The following TPST2 variants were observed in gnomAD, a reference collection of about 807,000 sequenced individuals.
TPST2 encodes protein-tyrosine sulfotransferase 2.
In TPST2, 16 loss-of-function variants were observed where a neutral mutation model predicts 27.8. The observed-to-expected ratio is 0.58, with a 90% CI of 0.39 to 0.88. TPST2 has a LOEUF of 0.88. Ranked by LOEUF, TPST2 falls within the 40% of genes least tolerant of loss-of-function variation. The pLI is 0.00. For synonymous variants in TPST2, 229 were observed against 231.7 expected (o/e 0.99, Z 0.10); for missense variants, 464 against 543.1 (o/e 0.85, Z 1.45).
chr22:26,558,889 T>C (rs555879866), intron 1 of TPST2, among the ~76,000 whole-genome samples: 1 of 152,300 alleles, frequency 6.6e-6, no homozygotes, highest in East Asian at 1.9e-4. Context: ...ATAGGACAAG[T>C]GATGTTGCGC....
chr22:26,564,114 T>G (rs545279988), intron 1 of TPST2, among the ~76,000 whole-genome samples: 19 of 152,260 alleles, frequency 1.2e-4, no homozygotes, highest in African/African-American at 4.6e-4. Context: ...ATTTTCCAAC[T>G]ATGGAGACTG....
At chr22:26,551,686 C>T (rs1035141001) in intron 1 of TPST2, among the ~76,000 whole-genome samples, 3 of 152,074 alleles carry the variant, frequency 2.0e-5, no homozygotes, top group Admixed American at 6.6e-5. Flanking sequence ...CTGGGGGTCA[C>T]ATCCTGGCTC....
In TPST2 at chr22:26,541,685, C is replaced by T. The variant is rs542565760; in HGVS notation, c.-55G>A. 56 of 1,498,388 alleles carry T rather than the reference C, an allele frequency of 3.7e-5. No homozygotes were observed. The East Asian group carries it at 1.2e-3, about 31-fold the overall frequency. The allele number at this position is 1,498,388 out of a possible 1,614,324, so 92.8% of individuals were successfully genotyped here. ...TGAGGGCCCGCTTCTGGGGCTTCAGCGACAGGTTAGCGGGCAGCCCGCCAG... is the reference window on the plus strand; with the variant it reads ...TGAGGGCCCGCTTCTGGGGCTTCAGTGACAGGTTAGCGGGCAGCCCGCCAG... On this transcript the variant is annotated 5_prime_UTR_variant, in exon 3 of 7. Transcript: ENST00000338754. This position sits in a 1 kb window ranked among gnomAD's most constrained non-coding sequence, Gnocchi z 5.9.
chr22:26,554,795 A>G (rs1926696246), intron 1 of TPST2, among the ~76,000 whole-genome samples: 1 of 152,236 alleles, frequency 6.6e-6, no homozygotes, highest in South Asian at 2.1e-4. Context: ...GAAATTAGCC[A>G]GGCGTGGTGG....
chr22:26,541,697 G>A lies in TPST2; in HGVS notation c.-67C>T. 7.4e-6 allele frequency: 11 copies of A among 1,480,382 alleles called. No individual in the cohort carries two copies. Among genetic ancestry groups the A allele is most frequent in the South Asian group, 1.3e-5 (1 of 74,644 alleles). 91.7% of individuals were successfully genotyped at this position (1,480,382 alleles called of 1,614,324 possible). A position where few individuals can be genotyped will look rare whatever the true frequency, so the allele number is the denominator to read the frequency against. On this transcript the variant is annotated 5_prime_UTR_variant, in exon 3 of 7. Transcript: ENST00000338754. This position sits in a 1 kb window ranked among gnomAD's most constrained non-coding sequence, Gnocchi z 5.9. ...TCTGGGGCTTCAGCGACAGGTTAGC[G>A]GGCAGCCCGCCAGGCTCACATCTGG... is the stretch of plus-strand genomic sequence containing the variant.
chr22:26,542,170 AG>A (rs1266190154), intron 2 of TPST2, among the ~76,000 whole-genome samples: 1 of 146,988 alleles, frequency 6.8e-6, no homozygotes, highest in Non-Finnish European at 1.5e-5. Flanking sequence ...TGAACCTGGG[AG>A]GCAGAGCTTG....
At chr22:26,553,201 G>A (rs550042174) in intron 1 of TPST2, among the ~76,000 whole-genome samples, 3 of 152,170 alleles carry the variant, frequency 2.0e-5, no homozygotes, top group Admixed American at 1.3e-4. Context: ...AGTAGGGACT[G>A]TGGGAGGACC....
At position 26,589,249 on chromosome 22, in the gene TPST2, C is replaced by T. The variant is rs141311032; in HGVS notation, c.-161+804G>A. Among the ~76,000 whole-genome samples, 37 of 152,232 alleles carry T rather than the reference C, an allele frequency of 2.4e-4. No homozygotes were observed. The East Asian group carries it at 6.8e-3, about 28-fold the overall frequency. ...GGCACGGTTCTTTCTAATGACTCTG[C>T]TGAGGTGGATGGTTCCTTCCCTAGG... On this transcript the variant is annotated intron_variant, in intron 1 of 6. Transcript: ENST00000338754.
intron 1 of TPST2, among the ~76,000 whole-genome samples, chr22:26,557,390 T>C (rs555388017): frequency 7.9e-5 from 12 of 152,318 alleles, no homozygotes; most frequent in Admixed American, 7.8e-4. Context: ...CAATAATTCT[T>C]ACTAGCGATG....
chr22:26,578,186 T>C (rs1927935950), intron 1 of TPST2, among the ~76,000 whole-genome samples: 1 of 152,126 alleles, frequency 6.6e-6, no homozygotes, highest in Admixed American at 6.5e-5. Flanking sequence ...AACTAATCTA[T>C]GAGGACAGTG....
intron 1 of TPST2, among the ~76,000 whole-genome samples, chr22:26,580,959 A>C (rs2147241403): frequency 6.6e-6 from 1 of 151,324 alleles, no homozygotes; most frequent in South Asian, 2.1e-4. Context: ...TTGTGACTTA[A>C]CTCCTGCTGA....
At chr22:26,554,564 G>A (rs1287544248) in intron 1 of TPST2, among the ~76,000 whole-genome samples, 1 of 152,162 alleles carries the variant, frequency 6.6e-6, no homozygotes, top group Non-Finnish European at 1.5e-5. Flanking sequence ...CTGGGTTGGG[G>A]GTCAGTGGGG....
chr22:26,528,183 C>T (rs2283821), intron 6 of TPST2, 31 bp downstream of exon 6: 438,697 of 1,553,618 alleles, frequency 0.28, 63,399 homozygotes, highest in African/African-American at 0.32. Context: ...CCAGAAGCAG[C>T]GGGAACCCCC....
intron 1 of TPST2, among the ~76,000 whole-genome samples, chr22:26,549,499 T>C (rs558210205): frequency 2.7e-5 from 4 of 146,472 alleles, no homozygotes; most frequent in Non-Finnish European, 6.0e-5. Context: ...CGTACTAAAA[T>C]ACAAAAAATT....
In TPST2 at chr22:26,541,825, C is replaced by T; in HGVS notation, c.-88-107G>A. On this transcript the variant is annotated intron_variant, in intron 2 of 6. Coordinates refer to ENST00000338754, the MANE Select transcript of TPST2 (RefSeq NM_003595.5). This position sits in a 1 kb window ranked among gnomAD's most constrained non-coding sequence, Gnocchi z 5.9. Reference sequence around the variant, plus strand: ...AAACAAGAGGCTGCTGACATGAATGCAGAGGGCACCTTTCATAAGCACTAG... The same window carrying T: ...AAACAAGAGGCTGCTGACATGAATGTAGAGGGCACCTTTCATAAGCACTAG... 1 of 1,083,772 alleles carries T rather than the reference C, an allele frequency of 9.2e-7. No homozygotes were observed. Among genetic ancestry groups the T allele is most frequent in the South Asian group, 1.7e-5 (1 of 58,426 alleles). 67.1% of individuals were successfully genotyped at this position (1,083,772 alleles called of 1,614,324 possible).
At chr22:26,579,861 G>A (rs1235912820) in intron 1 of TPST2, among the ~76,000 whole-genome samples, 3 of 151,526 alleles carry the variant, frequency 2.0e-5, no homozygotes, top group East Asian at 3.9e-4. Context: ...AGGCAAAGAT[G>A]GGAGTAAGAC....
At chr22:26,531,238 A>C (rs1489124631) in intron 5 of TPST2, among the ~76,000 whole-genome samples, 4 of 151,332 alleles carry the variant, frequency 2.6e-5, no homozygotes, top group Admixed American at 1.3e-4. Flanking sequence ...CTGTGCACAT[A>C]ATGTCATTCT....
In TPST2 at chr22:26,536,497, AGGAGACGCTGGAGAGG is replaced by A. The variant is rs1925480612; in HGVS notation, c.843-27_843-12del. ...GTGGACCGCTCGATCCTGGGGAGAG[AGGAGACGCTGGAGAGG>A]GTAGGGCAGACCCAGATGGCGCCTG... On this transcript the variant is annotated splice_polypyrimidine_tract_variant and intron_variant, in intron 3 of 6. Transcript: ENST00000338754. 1 of 1,510,980 alleles carries A rather than the reference AGGAGACGCTGGAGAGG, an allele frequency of 6.6e-7. No homozygotes were observed. Among genetic ancestry groups the A allele is most frequent in the East Asian group, 2.3e-5 (1 of 43,826 alleles). The allele number at this position is 1,510,980 out of a possible 1,614,324, so 93.6% of individuals were successfully genotyped here. A position where few individuals can be genotyped will look rare whatever the true frequency, so the allele number is the denominator to read the frequency against.
intron 1 of TPST2, among the ~76,000 whole-genome samples, chr22:26,578,207 C>G (rs12628057): frequency 0.15 from 22,107 of 152,202 alleles, 2,103 homozygotes; most frequent in South Asian, 0.29. Context: ...CTCTGTCATT[C>G]CATTTTACAG....
Sources: allele counts gnomAD v4.1 joint callset (sites outside exome capture counted in the v4.1 genomes callset), GRCh38; gene constraint gnomAD v4.1.1; non-coding constraint Gnocchi (gnomAD v3.1); transcripts MANE v1.5; gene names NCBI Gene and HGNC (gene_info 2026-07-23, HGNC 2026-07-21).